ADAM19: variants seen among roughly 807,000 people sequenced by gnomAD.
ADAM19 encodes ADAM metallopeptidase domain 19.
In ADAM19, 65 loss-of-function variants were observed where a neutral mutation model predicts 114.7. The ratio of observed to expected loss-of-function variants is 0.57; its 90% confidence interval spans 0.46 to 0.70. The LOEUF is 0.70. Among genes scored for constraint, ADAM19 ranks in the 30% least tolerant of loss-of-function variants. The probability of loss-of-function intolerance (pLI) is 0.00; values close to 1 mark genes in which losing one functional copy is unlikely to be tolerated. For missense variants in ADAM19, 1,063 were observed against 1,204.7 expected, an observed-to-expected ratio of 0.88 and a Z score of 1.74; for synonymous variants, 466 against 460.5, an observed-to-expected ratio of 1.01 and a Z score of -0.15.
chr5:157,516,472 C>T (rs1270836954), intron 7 of ADAM19, among the ~76,000 whole-genome samples: 2 of 152,168 alleles, frequency 1.3e-5, no homozygotes, highest in Non-Finnish European at 2.9e-5. Flanking sequence ...CTAATCCCTG[C>T]CTCCCACCAT....
chr5:157,485,702 C>T (rs1295172817), intron 21 of ADAM19, among the ~76,000 whole-genome samples: 1 of 152,244 alleles, frequency 6.6e-6, no homozygotes, highest in African/African-American at 2.4e-5. Flanking sequence ...AGCCTCCCTA[C>T]TAGTGGGTCC....
At chr5:157,574,713 G>T (rs1013410261) in intron 1 of ADAM19, among the ~76,000 whole-genome samples, 1 of 152,192 alleles carries the variant, frequency 6.6e-6, no homozygotes, top group Non-Finnish European at 1.5e-5. Context: ...CAAGCCTTCC[G>T]CGAAATCTGC....
rs150662953 is a variant in ADAM19 at position 157,518,045 on chromosome 5, G to A, written c.666+778C>T. ...CACATTTTGGGGACCATGGCTTTAG[G>A]TCATCATTTGGCATCAACATGATTA... On this transcript the variant is annotated intron_variant, in intron 7 of 22. Coordinates refer to ENST00000257527, the MANE Select transcript of ADAM19 (RefSeq NM_033274.5). Among the ~76,000 whole-genome samples, 911 of 152,094 alleles carry A rather than the reference G, an allele frequency of 6.0e-3. 10 individuals are homozygous for A. Among genetic ancestry groups the A allele is most frequent in the African/African-American group, 0.021 (862 of 41,478 alleles).
At chr5:157,520,969 A>T (rs1226638817) in intron 5 of ADAM19, among the ~76,000 whole-genome samples, 1 of 152,220 alleles carries the variant, frequency 6.6e-6, no homozygotes, top group Non-Finnish European at 1.5e-5. Context: ...GTATCATGCC[A>T]GTTGCTGAGG....
At chr5:157,505,067 G>A (rs375542275) in intron 11 of ADAM19, among the ~76,000 whole-genome samples, 37 of 147,568 alleles carry the variant, frequency 2.5e-4, no homozygotes, top group East Asian at 7.9e-4. Context: ...TGCAGTGAGC[G>A]GAGATCACAC....
Position 157,570,943 on chromosome 5 carries a change from T to A in ADAM19, c.132A>T (p.Glu44Asp). 1 of 1,614,170 alleles carries A rather than the reference T, an allele frequency of 6.2e-7. No individual in the cohort carries two copies. Among genetic ancestry groups the A allele is most frequent in the Non-Finnish European group, 8.5e-7 (1 of 1,180,020 alleles). Reference sequence around the variant, plus strand: ...AAGTCTTCCACTGAGGTATGATAAGTTCATGCTGCAGCTTGGGGCTGCCTT... The same window carrying A: ...AAGTCTTCCACTGAGGTATGATAAGATCATGCTGCAGCTTGGGGCTGCCTT... ...SEEGSPKLQH[E>D]LIIPQWKTSE... Residue 44 changes from glutamate to aspartate, a missense_variant, in exon 2 of 23, where the codon GAA (glutamate) becomes GAT (aspartate). Glu to Asp is a conservative substitution (Grantham distance 45). Coordinates refer to ENST00000257527, the MANE Select transcript of ADAM19 (RefSeq NM_033274.5).
At chr5:157,535,952 GGC>G in intron 4 of ADAM19, among the ~76,000 whole-genome samples, 1 of 152,320 alleles carries the variant, frequency 6.6e-6, no homozygotes, top group East Asian at 1.9e-4. Context: ...TGCCCCTGGA[GGC>G]AGAGAACAGA....
chr5:157,572,868 G>C lies in ADAM19; in HGVS notation c.95-1888C>G, dbSNP rs139488595. On this transcript the variant is annotated intron_variant, in intron 1 of 22. Coordinates refer to ENST00000257527, the MANE Select transcript of ADAM19 (RefSeq NM_033274.5). ...AGTTTGAGACTAGCCTGGCCAACAA[G>C]GTGAAACCCTGTCTCTACTAAAAAT... 1.9e-3 allele frequency among the ~76,000 whole-genome samples: 287 copies of C among 152,252 alleles called. 3 individuals are homozygous for C. The highest frequency in any genetic ancestry group is 6.5e-3 in the African/African-American group (272 of 41,548).
chr5:157,539,444 C>G (rs1756858146), intron 3 of ADAM19, among the ~76,000 whole-genome samples: 1 of 152,166 alleles, frequency 6.6e-6, no homozygotes, highest in African/African-American at 2.4e-5. Context: ...CGCAGAGGGT[C>G]TCTAGAATTC....
At chr5:157,561,547 G>A (rs1415660136) in intron 3 of ADAM19, among the ~76,000 whole-genome samples, 1 of 152,190 alleles carries the variant, frequency 6.6e-6, no homozygotes, top group South Asian at 2.1e-4. Context: ...TACAGAGGGA[G>A]AGTGGAAACC....
In ADAM19 at chr5:157,477,963, A is replaced by AG; in HGVS notation, c.*2985dup. ...TTACTTTTATAGGGAGAAGTCAGCA[A>AG]GGCTGAAAGGAATCTATGGCTAGCA... On this transcript the variant is annotated 3_prime_UTR_variant, in exon 23 of 23. Coordinates refer to ENST00000257527, the MANE Select transcript of ADAM19 (RefSeq NM_033274.5). 3.3e-6 allele frequency: 1 copy of AG among 303,644 alleles called. No individual in the cohort carries two copies. Among genetic ancestry groups the AG allele is most frequent in the Non-Finnish European group, 6.6e-6 (1 of 150,994 alleles). The allele number at this position is 303,644 out of a possible 1,614,324, so 18.8% of individuals were successfully genotyped here.
chr5:157,524,175 T>G (rs1756387255), intron 5 of ADAM19, among the ~76,000 whole-genome samples: 1 of 152,244 alleles, frequency 6.6e-6, no homozygotes, highest in Non-Finnish European at 1.5e-5. Context: ...TTCCTTTAGC[T>G]GCCCTCTTCC....
At chr5:157,513,413 A>G in intron 8 of ADAM19, 21 bp downstream of exon 8, 1 of 1,612,844 alleles carries the variant, frequency 6.2e-7, no homozygotes. Flanking sequence ...CCTTTCCCAC[A>G]AAGTACACAC....
intron 5 of ADAM19, among the ~76,000 whole-genome samples, chr5:157,522,364 T>C (rs947283738): frequency 6.6e-6 from 1 of 152,224 alleles, no homozygotes; most frequent in African/African-American, 2.4e-5. Context: ...CAGGTAAACA[T>C]GTGCCATGGT....
intron 3 of ADAM19, among the ~76,000 whole-genome samples, chr5:157,555,560 T>C (rs1025426403): frequency 6.6e-6 from 1 of 152,192 alleles, no homozygotes; most frequent in Non-Finnish European, 1.5e-5. Flanking sequence ...AAAACATTTG[T>C]TCTGGACGTT....
chr5:157,557,157 C>T (rs759112595), intron 3 of ADAM19, among the ~76,000 whole-genome samples: 5 of 152,200 alleles, frequency 3.3e-5, no homozygotes, highest in Non-Finnish European at 7.3e-5. Context: ...ATCCACCCGG[C>T]TCAGCCTCCC....
At chr5:157,551,345 A>T (rs1021987621) in intron 3 of ADAM19, among the ~76,000 whole-genome samples, 6 of 150,110 alleles carry the variant, frequency 4.0e-5, no homozygotes, top group Admixed American at 3.4e-4. Flanking sequence ...CAGTGGCTGC[A>T]ATGAGCTGAG....
Position 157,479,765 on chromosome 5 carries a change from T to G in ADAM19, c.*1184A>C. ...GCCTTCTCCAGTGATCTCGGGCAGC[T>G]CCCAGAAATGGGTCTGTTCTCTGCT... On this transcript the variant is annotated 3_prime_UTR_variant, in exon 23 of 23. Transcript: ENST00000257527. 1 of 985,562 alleles carries G rather than the reference T, an allele frequency of 1.0e-6. No individual in the cohort carries two copies. The highest frequency in any genetic ancestry group is 1.2e-6 in the Non-Finnish European group (1 of 830,018). The allele number at this position is 985,562 out of a possible 1,614,324, so 61.1% of individuals were successfully genotyped here.
In ADAM19 at chr5:157,536,244, A is replaced by T. The variant is rs192322681; in HGVS notation, c.330+1669T>A. ...GCCGGGCACAGTGGCCTGTAATCTC[A>T]GCGCTTTGGGAGGCTGAGGTGGGTG... On this transcript the variant is annotated intron_variant, in intron 4 of 22. Coordinates refer to ENST00000257527, the MANE Select transcript of ADAM19 (RefSeq NM_033274.5). 7.1e-4 allele frequency among the ~76,000 whole-genome samples: 108 copies of T among 152,308 alleles called. 2 individuals are homozygous for T. The highest frequency in any genetic ancestry group is 7.0e-3 in the Admixed American group (107 of 15,298).
Sources: allele counts gnomAD v4.1 joint callset (sites outside exome capture counted in the v4.1 genomes callset), GRCh38; gene constraint gnomAD v4.1.1; transcripts MANE v1.5; gene names NCBI Gene and HGNC (gene_info 2026-07-23, HGNC 2026-07-21).